Variants in PTPRT observed in about 807,000 individuals in gnomAD.
The protein encoded by PTPRT is receptor-type tyrosine-protein phosphatase T.
In PTPRT, 56 loss-of-function variants were observed where a neutral mutation model predicts 176.8. That is an observed-to-expected ratio of 0.32 (90% CI 0.26 to 0.40). The LOEUF is 0.40. Ranked by LOEUF, PTPRT falls within the 10% of genes least tolerant of loss-of-function variation. The probability of loss-of-function intolerance (pLI) is 1.00; values close to 1 mark genes in which losing one functional copy is unlikely to be tolerated. For missense variants in PTPRT, 1,540 were observed against 1,908.2 expected (o/e 0.81, Z 3.60); for synonymous variants, 783 against 739.0 (o/e 1.06, Z -0.96).
chr20:42,861,306 A>G (rs559181667), intron 2 of PTPRT, among the ~76,000 whole-genome samples: 70 of 152,336 alleles, frequency 4.6e-4, no homozygotes, highest in African/African-American at 1.6e-3. Flanking sequence ...TCTCTATTTC[A>G]TTAAACCCCA....
intron 8 of PTPRT, 134 bp from the exon 9 acceptor site, chr20:42,448,463 C>T (rs1377421480): frequency 2.1e-5 from 14 of 661,922 alleles, no homozygotes; most frequent in Middle Eastern, 2.9e-4. Context: ...ATGGGCTGTA[C>T]GTTCTCTGTT....
intron 6 of PTPRT, among the ~76,000 whole-genome samples, chr20:42,709,941 G>T (rs937598889): frequency 1.3e-5 from 2 of 152,198 alleles, no homozygotes; most frequent in African/African-American, 4.8e-5. Context: ...TTATGCTCAT[G>T]CCCTAAGAAT....
chr20:42,305,492 T>A (rs965584672), intron 12 of PTPRT, among the ~76,000 whole-genome samples: 1 of 152,214 alleles, frequency 6.6e-6, no homozygotes, highest in Non-Finnish European at 1.5e-5. Context: ...GTTCTGTATA[T>A]AAATTTCATA....
intron 7 of PTPRT, among the ~76,000 whole-genome samples, chr20:42,522,040 G>T (rs563803859): frequency 6.6e-6 from 1 of 151,814 alleles, no homozygotes; most frequent in Non-Finnish European, 1.5e-5. Context: ...AGTACAACAA[G>T]AACTTTTTCT....
chr20:42,750,103 G>T (rs2076749177), intron 6 of PTPRT, among the ~76,000 whole-genome samples: 1 of 152,158 alleles, frequency 6.6e-6, no homozygotes, highest in South Asian at 2.1e-4. Context: ...TGGATTGGAT[G>T]ACCTCAATCC....
chr20:42,633,784 A>AAAATATATATATATATAT (rs1437724208), intron 7 of PTPRT, among the ~76,000 whole-genome samples: 1 of 53,380 alleles, frequency 1.9e-5, no homozygotes, highest in African/African-American at 9.4e-5. Flanking sequence ...AGACTCTGAA[A>AAAATATATATATATATAT]ATATATATAT....
chr20:42,228,041 T>C (rs746787796), intron 15 of PTPRT, among the ~76,000 whole-genome samples: 4 of 152,222 alleles, frequency 2.6e-5, no homozygotes, highest in Non-Finnish European at 5.9e-5. Context: ...ACCTTGTTTA[T>C]AAAGTTCAAG....
intron 7 of PTPRT, among the ~76,000 whole-genome samples, chr20:42,596,074 A>G (rs1402796135): frequency 6.6e-6 from 1 of 152,186 alleles, no homozygotes. Flanking sequence ...ATCCACTGGT[A>G]ATAAAGGCAG....
intron 16 of PTPRT, among the ~76,000 whole-genome samples, chr20:42,184,586 T>TTCTTCTTCC: frequency 7.0e-6 from 1 of 143,560 alleles, no homozygotes; most frequent in Non-Finnish European, 1.5e-5. Context: ...CTTCTTCTTC[T>TTCTTCTTCC]TCTTCTTCCT....
At chr20:42,146,732 T>C (rs867550515) in intron 17 of PTPRT, among the ~76,000 whole-genome samples, 2 of 152,248 alleles carry the variant, frequency 1.3e-5, no homozygotes, top group Non-Finnish European at 2.9e-5. Flanking sequence ...AAAATGTGAA[T>C]AGGACCCAGT....
chr20:43,090,501 C>A (rs1171707217), intron 1 of PTPRT, among the ~76,000 whole-genome samples: 1 of 152,088 alleles, frequency 6.6e-6, no homozygotes, highest in Non-Finnish European at 1.5e-5. Flanking sequence ...ATATTCTGAC[C>A]TCGTGATCCA....
chr20:42,624,293 AG>A (rs2074253887), intron 7 of PTPRT, among the ~76,000 whole-genome samples: 1 of 152,212 alleles, frequency 6.6e-6, no homozygotes, highest in South Asian at 2.1e-4. Flanking sequence ...TCTATAAAAA[AG>A]TAGTTCTGTT....
chr20:43,151,505 T>A (rs1471249309), intron 1 of PTPRT, among the ~76,000 whole-genome samples: 1 of 152,094 alleles, frequency 6.6e-6, no homozygotes, highest in Non-Finnish European at 1.5e-5. Context: ...CAGATATGAA[T>A]AAACAAACCA....
At chr20:42,166,511 C>T (rs1989830668) in intron 16 of PTPRT, among the ~76,000 whole-genome samples, 1 of 152,150 alleles carries the variant, frequency 6.6e-6, no homozygotes, top group Admixed American at 6.5e-5. Context: ...CAGATAAACT[C>T]TCAACTATTT....
intron 7 of PTPRT, among the ~76,000 whole-genome samples, chr20:42,578,901 T>TG (rs531147846): frequency 0.013 from 1,777 of 139,346 alleles, 55 homozygotes; most frequent in South Asian, 0.073. Flanking sequence ...TTTTTTTTTT[T>TG]TGGGGGGGGG....
At chr20:42,174,797 T>C (rs1990222261) in intron 16 of PTPRT, among the ~76,000 whole-genome samples, 1 of 152,022 alleles carries the variant, frequency 6.6e-6, no homozygotes, top group Non-Finnish European at 1.5e-5. Context: ...ACTGCCTGTG[T>C]GATTTTGGGC....
rs550400953 is a variant in PTPRT at position 42,301,273 on chromosome 20, T to C, written c.2139+14450A>G. Among the ~76,000 whole-genome samples, 29 of 152,298 alleles carry C rather than the reference T, an allele frequency of 1.9e-4. No individual in the cohort carries two copies. In the East Asian group the frequency reaches 2.7e-3, roughly 14 times the overall value. On this transcript the variant is annotated intron_variant, in intron 12 of 30. Transcript: ENST00000373187. The stretch of plus-strand genomic sequence containing the variant: ...AGGAAGCAACATCACTTTTGTGGTA[T>C]TCCTGACAAAAATGCATAACTTGAA...
chr20:42,341,985 AG>A (rs1370100923), intron 11 of PTPRT, among the ~76,000 whole-genome samples: 33 of 152,306 alleles, frequency 2.2e-4, no homozygotes, highest in Admixed American at 2.1e-3. Context: ...TTGTTGGTGG[AG>A]GAAGGAGCCT....
chr20:42,034,332 A>T, the PTPRT span, among the ~76,000 whole-genome samples: 1 of 152,180 alleles, frequency 6.6e-6, no homozygotes, highest in Non-Finnish European at 1.5e-5. Context: ...ACCATTGTGG[A>T]CATCTCCAGC....
Sources: gnomAD v4.1 joint callset for allele counts (sites outside exome capture counted in the v4.1 genomes callset) on GRCh38, gnomAD v4.1.1 for gene constraint, MANE v1.5 for transcripts, NCBI Gene and HGNC (gene_info 2026-07-23, HGNC 2026-07-21) for gene names.